Variants in NUP107 observed in about 807,000 individuals in gnomAD.
The protein encoded by NUP107 is nucleoporin 107, also known as nuclear pore complex protein Nup107.
In NUP107, 101 loss-of-function variants were observed where a neutral mutation model predicts 141.0. That is an observed-to-expected ratio of 0.72 (90% CI 0.61 to 0.84). The LOEUF is 0.84. Ranked by LOEUF, NUP107 falls within the 40% of genes least tolerant of loss-of-function variation. NUP107 has a pLI of 0.00. For synonymous variants in NUP107, 319 were observed against 363.9 expected (o/e 0.88, Z 1.41); for missense variants, 941 against 1,102.7 (o/e 0.85, Z 2.08).
At chr12:68,699,923 C>G (rs1428391707) in intron 6 of NUP107, among the ~76,000 whole-genome samples, 2 of 151,626 alleles carry the variant, frequency 1.3e-5, no homozygotes, top group African/African-American at 4.8e-5. Context: ...TTTTTTTCTC[C>G]CCAGAGTCTC....
chr12:68,689,746 G>A lies in NUP107; in HGVS notation c.187+127G>A. ...ATAAGCACTAATAATAATGATTGCA[G>A]TTATTATTCGTTTGAACTCTTGCCA... On this transcript the variant is annotated intron_variant, in intron 3 of 27. Transcript: ENST00000229179. 3 of 646,624 alleles carry A rather than the reference G, an allele frequency of 4.6e-6. No homozygotes were observed. The South Asian group carries it at 6.0e-5, about 13-fold the overall frequency. 40.1% of individuals were successfully genotyped at this position (646,624 alleles called of 1,614,324 possible).
chr12:68,703,025 A>C (rs914364835), intron 8 of NUP107, among the ~76,000 whole-genome samples: 1 of 151,780 alleles, frequency 6.6e-6, no homozygotes, highest in African/African-American at 2.4e-5. Flanking sequence ...TTGTATTTTT[A>C]ATAGCAAACG....
At chr12:68,738,102 C>T (rs189917836) in intron 26 of NUP107, among the ~76,000 whole-genome samples, 32 of 152,244 alleles carry the variant, frequency 2.1e-4, no homozygotes, top group Non-Finnish European at 3.5e-4. Context: ...TGGTGAAACC[C>T]TGTCTCTACT....
At chr12:68,728,776 GAATA>G (rs946635366) in intron 20 of NUP107, among the ~76,000 whole-genome samples, 4 of 147,090 alleles carry the variant, frequency 2.7e-5, no homozygotes, top group Non-Finnish European at 6.0e-5. Context: ...GTTAAAAAAA[GAATA>G]AATAATAAAA....
At chr12:68,741,752 T>C in intron 26 of NUP107, 61 bp from the exon 27 acceptor site, 1 of 1,512,588 alleles carries the variant, frequency 6.6e-7, no homozygotes, top group Non-Finnish European at 9.0e-7. Context: ...TACCTGGCTT[T>C]TCTTTTTGTA....
intron 10 of NUP107, among the ~76,000 whole-genome samples, chr12:68,710,669 A>C (rs1194299678): frequency 4.1e-5 from 6 of 147,514 alleles, no homozygotes; most frequent in Non-Finnish European, 7.5e-5. Flanking sequence ...AAAAAAAAAA[A>C]CAGAAAAGAA....
chr12:68,728,186 G>A (rs1365877824), intron 20 of NUP107, among the ~76,000 whole-genome samples: 3 of 151,480 alleles, frequency 2.0e-5, no homozygotes, highest in Admixed American at 2.0e-4. Flanking sequence ...CTACTCGGGA[G>A]GCTGAGGCAG....
At chr12:68,729,447 T>A (rs1228326792) in intron 20 of NUP107, among the ~76,000 whole-genome samples, 2 of 151,924 alleles carry the variant, frequency 1.3e-5, no homozygotes, top group South Asian at 2.1e-4. Flanking sequence ...TTTTTTATTT[T>A]TTTTTTTGAG....
rs543958431 is a variant in NUP107, at chr12:68,725,261, T to A, written c.1507-466T>A. The stretch of plus-strand genomic sequence containing the variant: ...AAGTTAGAAAAGGTTTTCTCTACTC[T>A]GTACCTGATCACTATTTTTTTTTTT... On this transcript the variant is annotated intron_variant, in intron 17 of 27. Coordinates refer to ENST00000229179, the MANE Select transcript of NUP107 (RefSeq NM_020401.4). Among the ~76,000 whole-genome samples, 15 of 152,198 alleles carry A rather than the reference T, an allele frequency of 9.9e-5. No individual in the cohort carries two copies. The East Asian group carries it at 2.9e-3, about 29-fold the overall frequency.
At chr12:68,690,583 T>C in intron 3 of NUP107, 48 bp from the exon 4 acceptor site, 1 of 1,611,808 alleles carries the variant, frequency 6.2e-7, no homozygotes, top group Non-Finnish European at 8.5e-7. Flanking sequence ...GTTTTGATAA[T>C]GAATGCTCAC....
intron 3 of NUP107, chr12:68,690,383 T>C: frequency 1.9e-6 from 1 of 531,772 alleles, no homozygotes; most frequent in Admixed American, 3.3e-5. Flanking sequence ...TCAGTTATTC[T>C]ATAATGAAAG....
chr12:68,703,349 A>G (rs1319330918), intron 8 of NUP107, among the ~76,000 whole-genome samples: 1 of 152,178 alleles, frequency 6.6e-6, no homozygotes, highest in African/African-American at 2.4e-5. Context: ...ATCTTTATAG[A>G]TACATACATA....
At chr12:68,689,146 A>C (rs1875653194) in intron 2 of NUP107, 93 bp downstream of exon 2, 1 of 915,944 alleles carries the variant, frequency 1.1e-6, no homozygotes, top group Non-Finnish European at 1.6e-6. Context: ...ATTAAATGGT[A>C]GCTATAATAA....
At chr12:68,721,071 C>G in intron 14 of NUP107, 47 bp from the exon 15 acceptor site, 3 of 1,284,554 alleles carry the variant, frequency 2.3e-6, no homozygotes, top group South Asian at 1.2e-5. Flanking sequence ...AATTGACATA[C>G]TAAGAAAAAC....
intron 22 of NUP107, 33 bp from the exon 23 acceptor site, chr12:68,732,604 T>C: frequency 7.3e-7 from 1 of 1,379,254 alleles, no homozygotes. Flanking sequence ...AACTCTGATA[T>C]TCCTTTTTCT....
rs538255248 is a variant in NUP107, at chr12:68,722,520, A to C, written c.1506+368A>C. 2.6e-5 allele frequency among the ~76,000 whole-genome samples: 4 copies of C among 152,266 alleles called. No individual in the cohort carries two copies. In the East Asian group the frequency reaches 7.7e-4, roughly 29 times the overall value. On this transcript the variant is annotated intron_variant, in intron 17 of 27. Transcript: ENST00000229179. ...TAGTAATATTGTATGTACTTGTAAC[A>C]ATAAAATAATTTTAGAATGTATAAA...
intron 23 of NUP107, 78 bp downstream of exon 23, chr12:68,732,817 C>G (rs1335816293): frequency 2.2e-6 from 2 of 929,530 alleles, no homozygotes; most frequent in South Asian, 3.1e-5. Context: ...GTAGCTGGGA[C>G]TACAGGCACC....
At chr12:68,722,227 G>A in intron 17 of NUP107, 75 bp downstream of exon 17, 1 of 1,179,684 alleles carries the variant, frequency 8.5e-7, no homozygotes, top group Non-Finnish European at 1.2e-6. Flanking sequence ...GTAGCTGAAA[G>A]GAAAAAGGTG....
chr12:68,711,786 G>A (rs748443491), intron 10 of NUP107, among the ~76,000 whole-genome samples: 46 of 152,178 alleles, frequency 3.0e-4, no homozygotes, highest in Non-Finnish European at 1.2e-4. Flanking sequence ...AAGACTGGAG[G>A]AAGCCAGATA....
Sources: gnomAD v4.1 joint callset for allele counts (sites outside exome capture counted in the v4.1 genomes callset) on GRCh38, gnomAD v4.1.1 for gene constraint, MANE v1.5 for transcripts, NCBI Gene and HGNC (gene_info 2026-07-23, HGNC 2026-07-21) for gene names.